SEPTIN6: variants seen among roughly 807,000 people sequenced by gnomAD.
The protein encoded by SEPTIN6 is septin-6.
SEPTIN6 carries 8 observed loss-of-function variants against 33.6 expected under a neutral mutation model. That is an observed-to-expected ratio of 0.24 (90% CI 0.14 to 0.43). The LOEUF (loss-of-function observed/expected upper bound fraction) is 0.43, where lower values mean the gene tolerates loss of function less well. SEPTIN6 is among the 20% of genes least tolerant of loss of function. The pLI is 1.00. For synonymous variants in SEPTIN6, 131 were observed against 140.0 expected (o/e 0.94, Z 0.45); for missense variants, 250 against 340.8 (o/e 0.73, Z 2.10).
chrX:119,678,347 C>T (rs1413672962), intron 1 of SEPTIN6, among the ~76,000 whole-genome samples: 4 of 109,780 alleles, frequency 3.6e-5, no homozygotes, highest in African/African-American at 1.3e-4. Context: ...GGTGAAACCC[C>T]GTCTCTACTA....
rs1259217081 is a variant in SEPTIN6 at position 119,686,370 on chromosome X, A to T, written c.30+6706T>A. Among the ~76,000 whole-genome samples, 4 of 112,006 alleles carry T rather than the reference A, an allele frequency of 3.6e-5. No individual in the cohort carries two copies. In the South Asian group the frequency reaches 1.5e-3, roughly 42 times the overall value. ...TCTGCCCCGTTACCCCAGGGCCTTC[A>T]TTCCGGGTCAGAGAGGGCCATGGCA... is the stretch of plus-strand genomic sequence containing the variant. On this transcript the variant is annotated intron_variant, in intron 1 of 10. Coordinates refer to ENST00000394610, the MANE Select transcript of SEPTIN6 (RefSeq NM_145799.4).
At chrX:119,632,908 G>A (rs1385688848) in intron 8 of SEPTIN6, among the ~76,000 whole-genome samples, 1 of 112,820 alleles carries the variant, frequency 8.9e-6, no homozygotes, top group Non-Finnish European at 1.9e-5. Flanking sequence ...GATTACAGGC[G>A]TGAGCCACAG....
intron 5 of SEPTIN6, among the ~76,000 whole-genome samples, chrX:119,647,943 G>A (rs193126248): frequency 0.01 from 1,103 of 107,396 alleles, 21 homozygotes; most frequent in African/African-American, 0.037. Flanking sequence ...GTTAGCCACC[G>A]CGCCCGGCCA....
At chrX:119,682,386 T>G (rs2054976453) in intron 1 of SEPTIN6, among the ~76,000 whole-genome samples, 1 of 111,245 alleles carries the variant, frequency 9.0e-6, no homozygotes, top group African/African-American at 3.3e-5. Flanking sequence ...ATGCAGAGAG[T>G]CTGAGAGGAG....
intron 1 of SEPTIN6, among the ~76,000 whole-genome samples, chrX:119,688,686 G>A (rs1230596992): frequency 7.0e-5 from 7 of 99,586 alleles, no homozygotes; most frequent in Non-Finnish European, 1.4e-4. Flanking sequence ...CAGCCTGGGC[G>A]ACAGAACAAG....
At chrX:119,684,642 C>G (rs1171259751) in intron 1 of SEPTIN6, among the ~76,000 whole-genome samples, 1 of 109,682 alleles carries the variant, frequency 9.1e-6, no homozygotes. Flanking sequence ...AGGCGCCCAC[C>G]ACCACATCCA....
intron 2 of SEPTIN6, 118 bp from the exon 3 acceptor site, chrX:119,663,795 C>A: frequency 3.5e-6 from 2 of 573,854 alleles, no homozygotes; most frequent in African/African-American, 2.3e-5. Context: ...AAACATAAAG[C>A]AAAAAGCAGA....
At chrX:119,675,925 T>G (rs2054832729) in intron 1 of SEPTIN6, among the ~76,000 whole-genome samples, 1 of 110,196 alleles carries the variant, frequency 9.1e-6, no homozygotes, top group Non-Finnish European at 1.9e-5. Flanking sequence ...GAGGAGCTTA[T>G]TAGGGGCAGG....
intron 2 of SEPTIN6, among the ~76,000 whole-genome samples, chrX:119,671,154 A>T (rs1233187953): frequency 9.0e-6 from 1 of 111,377 alleles, no homozygotes; most frequent in East Asian, 2.8e-4. Flanking sequence ...CCCTATCAAG[A>T]AAAAGAAACG....
At position 119,681,113 on chromosome X, in the gene SEPTIN6, C is replaced by G. The variant is rs990007025; in HGVS notation, c.31-5445G>C. Among the ~76,000 whole-genome samples the G allele has an allele frequency of 2.7e-5, 3 of 110,985 alleles. No individual in the cohort carries two copies. In the Admixed American group the frequency reaches 2.9e-4, roughly 11 times the overall value. On this transcript the variant is annotated intron_variant, in intron 1 of 10. Transcript: ENST00000394610. ...ATTATGAGTATCAGTCCGCATTGTT[C>G]AGAGTTAAATACGCAAAGGTAGGAA...
chrX:119,652,748 G>T, intron 4 of SEPTIN6, 106 bp downstream of exon 4: 1 of 611,383 alleles, frequency 1.6e-6, no homozygotes, highest in Non-Finnish European at 2.6e-6. Context: ...CAGGGAATGA[G>T]GGAGAGGATG....
intron 6 of SEPTIN6, among the ~76,000 whole-genome samples, chrX:119,639,267 AG>A (rs1196915723): frequency 9.0e-6 from 1 of 111,678 alleles, no homozygotes; most frequent in Non-Finnish European, 1.9e-5. Context: ...ATGAGTTTAC[AG>A]AGAACCAGCC....
chrX:119,664,968 G>A (rs143566226), intron 2 of SEPTIN6, among the ~76,000 whole-genome samples: 2,123 of 110,258 alleles, frequency 0.019, 18 homozygotes, highest in Non-Finnish European at 0.03. Context: ...GCCTCCCCAC[G>A]GTGAAAACTG....
chrX:119,675,657 G>T lies in SEPTIN6; in HGVS notation c.42C>A (p.Cys14Ter). ...CATGTCCAGCCAGGGGGACAGTTCG[G>T]CAACCTTCACCCTAATTTGGAAGGA... is the stretch of plus-strand genomic sequence containing the variant. ...TDIARQVGEG[C>*]RTVPLAGHVG... Residue 14 changes from cysteine (C) to a stop codon, truncating the protein, a stop_gained, in exon 2 of 11, where the codon TGC (cysteine) becomes TGA (stop). Transcript: ENST00000394610. LOFTEE classifies it high-confidence loss of function. 9.0e-7 allele frequency: 1 copy of T among 1,116,063 alleles called. No homozygotes were observed. 92.0% of individuals were successfully genotyped at this position (1,116,063 alleles called of 1,213,427 possible). A position where few individuals can be genotyped will look rare whatever the true frequency, so the allele number is the denominator to read the frequency against.
At chrX:119,690,504 C>T (rs1337374139) in intron 1 of SEPTIN6, among the ~76,000 whole-genome samples, 2 of 109,031 alleles carry the variant, frequency 1.8e-5, no homozygotes, top group Non-Finnish European at 3.8e-5. Context: ...GCGGGTGGAT[C>T]ACAAGGTCAG....
At chrX:119,620,509 C>T (rs1369611655) in intron 10 of SEPTIN6, among the ~76,000 whole-genome samples, 2 of 109,333 alleles carry the variant, frequency 1.8e-5, no homozygotes, top group South Asian at 4.0e-4. Flanking sequence ...TTAGTAGAGA[C>T]GGGGTTTCAC....
chrX:119,624,272 T>C lies in SEPTIN6; in HGVS notation c.*41+1063A>G, dbSNP rs563725011. 7.2e-4 allele frequency among the ~76,000 whole-genome samples: 78 copies of C among 108,140 alleles called. No individual in the cohort carries two copies. In the South Asian group the frequency reaches 0.029, roughly 40 times the overall value. 93.9% of individuals were successfully genotyped at this position (108,140 alleles called of 115,157 possible). ...CTCACTGCAACCTCCGCCTCCCAGG[T>C]TCAAGCAATTCTCCTGCCTCAGCCT... On this transcript the variant is annotated intron_variant, in intron 10 of 10. Coordinates refer to ENST00000394610, the MANE Select transcript of SEPTIN6 (RefSeq NM_145799.4).
intron 7 of SEPTIN6, among the ~76,000 whole-genome samples, chrX:119,634,882 G>A (rs1475102668): frequency 3.7e-5 from 4 of 109,373 alleles, no homozygotes; most frequent in South Asian, 3.9e-4. Context: ...GGTGGTGGGC[G>A]CCTGTAATCC....
At chrX:119,621,174 T>G (rs1603320303) in intron 10 of SEPTIN6, among the ~76,000 whole-genome samples, 1 of 110,183 alleles carries the variant, frequency 9.1e-6, no homozygotes, top group African/African-American at 3.3e-5. Context: ...ACTGGTACTC[T>G]GGGGCAAGAC....
Sources: allele counts gnomAD v4.1 joint callset (sites outside exome capture counted in the v4.1 genomes callset), GRCh38; gene constraint gnomAD v4.1.1; transcripts MANE v1.5; gene names NCBI Gene and HGNC (gene_info 2026-07-23, HGNC 2026-07-21).